ADGRL1: variants seen among roughly 807,000 people sequenced by gnomAD.
The protein encoded by ADGRL1 is adhesion G protein-coupled receptor L1.
In ADGRL1, 31 loss-of-function variants were observed where a neutral mutation model predicts 148.9. That is an observed-to-expected ratio of 0.21 (90% CI 0.16 to 0.28). The LOEUF (loss-of-function observed/expected upper bound fraction) is 0.28. Ranked by LOEUF, ADGRL1 falls within the 10% of genes least tolerant of loss-of-function variation. The probability of loss-of-function intolerance (pLI) is 1.00; values close to 1 mark genes in which losing one functional copy is unlikely to be tolerated. For synonymous variants in ADGRL1, 937 were observed against 900.3 expected (o/e 1.04, Z -0.73); for missense variants, 1,521 against 2,058.8 (o/e 0.74, Z 5.05).
At chr19:14,189,862 T>G (rs1461363478) in intron 1 of ADGRL1, among the ~76,000 whole-genome samples, 2 of 152,242 alleles carry the variant, frequency 1.3e-5, no homozygotes, top group African/African-American at 4.8e-5. Context: ...TAGACACCTT[T>G]CTGGTGTGTG....
chr19:14,181,356 A>T (rs759845420), intron 2 of ADGRL1, among the ~76,000 whole-genome samples: 4 of 152,246 alleles, frequency 2.6e-5, no homozygotes, highest in Non-Finnish European at 5.9e-5. Context: ...CTGCTGGATC[A>T]AAATCCCAGG....
chr19:14,197,323 A>C (rs1972321682), intron 1 of ADGRL1, among the ~76,000 whole-genome samples: 1 of 152,168 alleles, frequency 6.6e-6, no homozygotes, highest in South Asian at 2.1e-4. Context: ...ACTGGACTGC[A>C]GAGGGGTAGG....
At chr19:14,183,156 A>G (rs939666379) in intron 2 of ADGRL1, among the ~76,000 whole-genome samples, 1 of 151,898 alleles carries the variant, frequency 6.6e-6, no homozygotes, top group Non-Finnish European at 1.5e-5. Context: ...GCTTTAATTA[A>G]GCCTTCTTCC....
In ADGRL1 at chr19:14,159,897, C is replaced by T; in HGVS notation, c.1801-124G>A. 1 of 1,032,094 alleles carries T rather than the reference C, an allele frequency of 9.7e-7. No individual in the cohort carries two copies. The highest frequency in any genetic ancestry group is 1.5e-6 in the Non-Finnish European group (1 of 666,728). The allele number at this position is 1,032,094 out of a possible 1,614,324, so 63.9% of individuals were successfully genotyped here. A position where few individuals can be genotyped will look rare whatever the true frequency, so the allele number is the denominator to read the frequency against. On this transcript the variant is annotated intron_variant, in intron 8 of 22. Transcript: ENST00000361434. The surrounding 1 kb of genome is among the most constrained non-coding windows in gnomAD (Gnocchi z 6.0). ...CACTGACCCAGGGCTGGGCTATCAG[C>T]AAGACATTCCTCAGGGATCCCCAAC...
At chr19:14,187,270 T>C (rs1971631852) in intron 1 of ADGRL1, among the ~76,000 whole-genome samples, 1 of 151,934 alleles carries the variant, frequency 6.6e-6, no homozygotes, top group African/African-American at 2.4e-5. Flanking sequence ...ACCTGAGAGG[T>C]AGAGGTTGCA....
At chr19:14,174,435 A>G (rs1205134712) in intron 3 of ADGRL1, among the ~76,000 whole-genome samples, 1 of 152,068 alleles carries the variant, frequency 6.6e-6, no homozygotes, top group Non-Finnish European at 1.5e-5. Flanking sequence ...AGCCCAGCCC[A>G]GCCCAGCTAT....
intron 2 of ADGRL1, among the ~76,000 whole-genome samples, chr19:14,182,472 G>A (rs950020373): frequency 2.6e-5 from 4 of 152,318 alleles, no homozygotes; most frequent in African/African-American, 9.6e-5. Context: ...GAGGGCACTC[G>A]TGCGGGACGG....
chr19:14,190,213 C>T (rs1183806769), intron 1 of ADGRL1, among the ~76,000 whole-genome samples: 1 of 151,844 alleles, frequency 6.6e-6, no homozygotes, highest in Non-Finnish European at 1.5e-5. Flanking sequence ...GTATGAGCCG[C>T]CACACCTGGC....
At chr19:14,204,483 G>C (rs1972829119) in intron 1 of ADGRL1, among the ~76,000 whole-genome samples, 1 of 152,032 alleles carries the variant, frequency 6.6e-6, no homozygotes, top group Non-Finnish European at 1.5e-5. Context: ...GGGGTCTGGG[G>C]TCAGGTTAGA....
rs1350972659 is a variant in ADGRL1, at chr19:14,155,416, G to A, written c.3237C>T (p.Thr1079=). The A allele has an allele frequency of 1.9e-6, 3 of 1,614,054 alleles. No homozygotes were observed. Among genetic ancestry groups the A allele is most frequent in the East Asian group, 4.5e-5 (2 of 44,898 alleles). The change falls in exon 18 of 23, where the codon ACC becomes ACT. Residue 1079 remains threonine, a synonymous_variant. Coordinates refer to ENST00000361434, the MANE Select transcript of ADGRL1 (RefSeq NM_014921.5). This position sits in a 1 kb window ranked among gnomAD's most constrained non-coding sequence, Gnocchi z 5.0. ...TGAAGACCCCCTGGAAGGCGTTGAA[G>A]GTGGTGAAGAGATAGGCCATGACCA... ...ESVVMAYLFT[T]FNAFQGVFIF...
intron 2 of ADGRL1, among the ~76,000 whole-genome samples, chr19:14,181,808 G>A (rs1971217089): frequency 6.6e-6 from 1 of 152,200 alleles, no homozygotes; most frequent in African/African-American, 2.4e-5. Context: ...AGCACCTACA[G>A]CCCCGGGTCA....
intron 11 of ADGRL1, 120 bp downstream of exon 11, chr19:14,158,970 A>C (rs1209183729): frequency 1.6e-6 from 2 of 1,266,780 alleles, no homozygotes; most frequent in Non-Finnish European, 2.2e-6. Flanking sequence ...CAAATTTTAC[A>C]CTAGCATGAG....
At chr19:14,188,456 CT>C (rs1311270730) in intron 1 of ADGRL1, among the ~76,000 whole-genome samples, 1 of 152,154 alleles carries the variant, frequency 6.6e-6, no homozygotes, top group Non-Finnish European at 1.5e-5. Flanking sequence ...GCCATGTATA[CT>C]TCCACCGGGA....
At position 14,149,555 on chromosome 19, in the gene ADGRL1, G is replaced by C. The variant is rs1213109545; in HGVS notation, c.*1318C>G. 6.5e-6 allele frequency: 1 copy of C among 152,758 alleles called. No homozygotes were observed. The highest frequency in any genetic ancestry group is 6.5e-5 in the Admixed American group (1 of 15,274). The allele number at this position is 152,758 out of a possible 1,614,324, so 9.5% of individuals were successfully genotyped here. On this transcript the variant is annotated 3_prime_UTR_variant, in exon 23 of 23. Coordinates refer to ENST00000361434, the MANE Select transcript of ADGRL1 (RefSeq NM_014921.5). The stretch of plus-strand genomic sequence containing the variant: ...CAGCCATCTTGACAAAGCATCTTTG[G>C]GTGTGAAGAGGTCTCCCCCGGGCCG...
intron 4 of ADGRL1, chr19:14,167,098 A>G (rs2144818517): frequency 1.5e-6 from 2 of 1,350,082 alleles, no homozygotes; most frequent in African/African-American, 1.5e-5. Flanking sequence ...AAAAAAGAGA[A>G]AAAAAAAGAG....
intron 4 of ADGRL1, chr19:14,169,789 T>C (rs1394913714): frequency 5.3e-5 from 8 of 151,678 alleles, no homozygotes; most frequent in African/African-American, 1.2e-4. Flanking sequence ...ATGGAACCCA[T>C]TGTGGGAGGA....
At chr19:14,178,496 C>A (rs981304524) in intron 2 of ADGRL1, among the ~76,000 whole-genome samples, 1 of 151,924 alleles carries the variant, frequency 6.6e-6, no homozygotes, top group Non-Finnish European at 1.5e-5. Context: ...CAGAGCGAGA[C>A]CCTATCTCAA....
At chr19:14,200,617 G>C (rs1481718483) in intron 1 of ADGRL1, among the ~76,000 whole-genome samples, 1 of 152,054 alleles carries the variant, frequency 6.6e-6, no homozygotes, top group African/African-American at 2.4e-5. Flanking sequence ...TTTTATTTAC[G>C]TATATATTTT....
intron 4 of ADGRL1, among the ~76,000 whole-genome samples, chr19:14,166,862 C>T (rs949735268): frequency 6.6e-6 from 1 of 151,932 alleles, no homozygotes; most frequent in Non-Finnish European, 1.5e-5. Flanking sequence ...CAGGGCTGGT[C>T]CCACTGGGAG....
Sources: allele counts gnomAD v4.1 joint callset (sites outside exome capture counted in the v4.1 genomes callset), GRCh38; gene constraint gnomAD v4.1.1; non-coding constraint Gnocchi (gnomAD v3.1); transcripts MANE v1.5; gene names NCBI Gene and HGNC (gene_info 2026-07-23, HGNC 2026-07-21).